The following CTNNA2 variants were observed in gnomAD, a reference collection of about 807,000 sequenced individuals.
CTNNA2 encodes catenin alpha 2, also known as catenin alpha-2.
A neutral mutation model predicts 101.0 loss-of-function variants in CTNNA2; 42 were observed. The observed-to-expected ratio is 0.42, with a 90% CI of 0.32 to 0.54. The LOEUF (loss-of-function observed/expected upper bound fraction) is 0.54, where lower values mean the gene tolerates loss of function less well. Ranked by LOEUF, CTNNA2 falls within the 20% of genes least tolerant of loss-of-function variation. The probability of loss-of-function intolerance (pLI) is 0.14; values close to 1 mark genes in which losing one functional copy is unlikely to be tolerated. For synonymous variants in CTNNA2, 450 were observed against 456.4 expected, an observed-to-expected ratio of 0.99 and a Z score of 0.18; for missense variants, 871 against 1,223.1, an observed-to-expected ratio of 0.71 and a Z score of 4.29.
At chr2:80,623,068 G>A (rs6756275) in intron 18 of CTNNA2, among the ~76,000 whole-genome samples, 7 of 106,004 alleles carry the variant, frequency 6.6e-5, no homozygotes, top group African/African-American at 1.2e-4. Flanking sequence ...AAAAAAAAAA[G>A]TTCAAGCAGA....
chr2:80,291,233 C>T lies in CTNNA2; in HGVS notation c.1057-101978C>T, dbSNP rs79625168. 2.7e-4 allele frequency among the ~76,000 whole-genome samples: 41 copies of T among 152,314 alleles called. No individual in the cohort carries two copies. In the East Asian group the frequency reaches 6.4e-3, roughly 24 times the overall value. ...GTTCATCGCTTTGCCTGTTGATAAG[C>T]GATAGCAAAGGAGAATGCATAGAAA... On this transcript the variant is annotated intron_variant, in intron 7 of 18. Coordinates refer to ENST00000402739, the MANE Select transcript of CTNNA2 (RefSeq NM_001282597.3).
Position 80,064,875 on chromosome 2 carries a change from T to C in CTNNA2, c.1056+155078T>C, listed in dbSNP as rs552909871. On this transcript the variant is annotated intron_variant, in intron 7 of 18. Transcript: ENST00000402739. The stretch of plus-strand genomic sequence containing the variant: ...AATGGAAAGCATGGTAAAGTCACAT[T>C]GAGAGGAATAGCAGGATTACAGGGC... 8.1e-4 allele frequency among the ~76,000 whole-genome samples: 124 copies of C among 152,306 alleles called. 4 individuals are homozygous for C. The South Asian group carries it at 0.025, about 31-fold the overall frequency.
At chr2:80,240,208 TC>T (rs1208834977) in intron 7 of CTNNA2, among the ~76,000 whole-genome samples, 3 of 152,190 alleles carry the variant, frequency 2.0e-5, no homozygotes, top group Non-Finnish European at 4.4e-5. Context: ...ATGAACAAAG[TC>T]CCTGTCCAAT....
At chr2:80,118,790 A>G (rs149776111) in intron 7 of CTNNA2, among the ~76,000 whole-genome samples, 2 of 152,356 alleles carry the variant, frequency 1.3e-5, no homozygotes, top group African/African-American at 4.8e-5. Flanking sequence ...CCCCAGGCAG[A>G]AAGGCCTGTA....
At chr2:79,930,494 G>T (rs147593836) in intron 7 of CTNNA2, among the ~76,000 whole-genome samples, 19 of 152,234 alleles carry the variant, frequency 1.2e-4, no homozygotes, top group African/African-American at 3.4e-4. Context: ...TGGTGCAACT[G>T]GTGGAGAATG....
chr2:80,377,081 T>G (rs1676026367), intron 7 of CTNNA2, among the ~76,000 whole-genome samples: 1 of 152,236 alleles, frequency 6.6e-6, no homozygotes, highest in South Asian at 2.1e-4. Context: ...TGTCTGGTTC[T>G]CCTTTTTCAT....
intron 7 of CTNNA2, among the ~76,000 whole-genome samples, chr2:80,156,159 C>T (rs2148936231): frequency 6.6e-6 from 1 of 152,242 alleles, no homozygotes. Flanking sequence ...TCTGGGGAGC[C>T]ATTCCTCTTG....
chr2:79,725,901 G>C (rs549234823), intron 2 of CTNNA2, among the ~76,000 whole-genome samples: 4 of 152,294 alleles, frequency 2.6e-5, no homozygotes, highest in Middle Eastern at 3.4e-3. Flanking sequence ...AGAGTCCACT[G>C]ATCTTACTAA....
intron 7 of CTNNA2, among the ~76,000 whole-genome samples, chr2:80,239,051 T>C (rs1158306007): frequency 2.0e-5 from 3 of 152,238 alleles, no homozygotes; most frequent in Non-Finnish European, 4.4e-5. Flanking sequence ...ACTTAAACAA[T>C]TCATCCAGCT....
At chr2:79,626,379 G>T (rs184042883) in intron 1 of CTNNA2, among the ~76,000 whole-genome samples, 42 of 152,228 alleles carry the variant, frequency 2.8e-4, no homozygotes, top group African/African-American at 9.9e-4. Context: ...CCACTGGGTG[G>T]GGAAGTGAGA....
chr2:80,162,582 T>C (rs1222593872), intron 7 of CTNNA2: 2 of 1,610,384 alleles, frequency 1.2e-6, no homozygotes, highest in Non-Finnish European at 1.7e-6. Context: ...GTCAGACCCA[T>C]GATCAGTGTA....
chr2:79,238,648 G>T (rs1674586834), intron 2 of CTNNA2, among the ~76,000 whole-genome samples: 2 of 152,162 alleles, frequency 1.3e-5, no homozygotes, highest in South Asian at 4.1e-4. Context: ...GAATTTTGAG[G>T]AGAAAATATA....
At chr2:79,488,596 A>C (rs1671180403) in intron 4 of CTNNA2, among the ~76,000 whole-genome samples, 1 of 152,208 alleles carries the variant, frequency 6.6e-6, no homozygotes, top group African/African-American at 2.4e-5. Context: ...ATACCAGAGC[A>C]TGTGATAGAC....
intron 7 of CTNNA2, among the ~76,000 whole-genome samples, chr2:80,242,071 A>AC (rs938859309): frequency 1.3e-5 from 2 of 152,210 alleles, no homozygotes; most frequent in Non-Finnish European, 2.9e-5. Flanking sequence ...AAACAAAATC[A>AC]CCGTGAAACT....
intron 3 of CTNNA2, among the ~76,000 whole-genome samples, chr2:79,360,879 T>C (rs1360171801): frequency 6.6e-6 from 1 of 152,070 alleles, no homozygotes; most frequent in African/African-American, 2.4e-5. Flanking sequence ...ATAAATTGAG[T>C]AAATAAATAG....
chr2:79,456,730 C>G (rs956715718), intron 4 of CTNNA2, among the ~76,000 whole-genome samples: 1 of 152,152 alleles, frequency 6.6e-6, no homozygotes, highest in Non-Finnish European at 1.5e-5. Context: ...TAAAATGGCA[C>G]TTGGTTAGAA....
intron 7 of CTNNA2, among the ~76,000 whole-genome samples, chr2:79,914,827 C>G (rs1205825201): frequency 6.6e-6 from 1 of 151,104 alleles, no homozygotes; most frequent in East Asian, 2.0e-4. Context: ...CTGGGGTTAA[C>G]AATTTATAAA....
At chr2:79,633,245 T>C (rs1174428758) in intron 1 of CTNNA2, among the ~76,000 whole-genome samples, 1 of 152,174 alleles carries the variant, frequency 6.6e-6, no homozygotes, top group South Asian at 2.1e-4. Context: ...TCTGTTATTC[T>C]CAGTTGTTAT....
chr2:79,524,497 T>C (rs951234433), intron 1 of CTNNA2, among the ~76,000 whole-genome samples: 5 of 151,744 alleles, frequency 3.3e-5, no homozygotes, highest in African/African-American at 1.2e-4. Flanking sequence ...GTATTACCTC[T>C]TTTATATGTT....
Sources: allele counts gnomAD v4.1 joint callset (sites outside exome capture counted in the v4.1 genomes callset), GRCh38; gene constraint gnomAD v4.1.1; transcripts MANE v1.5; gene names NCBI Gene and HGNC (gene_info 2026-07-23, HGNC 2026-07-21).